ANO6: variants seen among roughly 807,000 people sequenced by gnomAD.
ANO6 encodes anoctamin-6.
In ANO6, 106 loss-of-function variants were observed where a neutral mutation model predicts 117.5. That is an observed-to-expected ratio of 0.90 (90% CI 0.77 to 1.06). The LOEUF is 1.06. ANO6 is among the 50% of genes least tolerant of loss of function. The pLI is 0.00. For synonymous variants in ANO6, 367 were observed against 385.1 expected (o/e 0.95, Z 0.55); for missense variants, 955 against 1,121.1 (o/e 0.85, Z 2.12).
chr12:45,377,216 T>A (rs531700663), intron 9 of ANO6, among the ~76,000 whole-genome samples: 3 of 152,028 alleles, frequency 2.0e-5, no homozygotes. Context: ...AAAGTAGATA[T>A]AATATGCTTG....
At chr12:45,321,142 T>C (rs184194526) in intron 2 of ANO6, among the ~76,000 whole-genome samples, 4 of 152,218 alleles carry the variant, frequency 2.6e-5, no homozygotes, top group East Asian at 3.9e-4. Context: ...AATATATTGT[T>C]TTGGTTGAAG....
At chr12:45,384,299 G>A (rs1000644008) in intron 10 of ANO6, among the ~76,000 whole-genome samples, 7 of 152,122 alleles carry the variant, frequency 4.6e-5, no homozygotes, top group African/African-American at 9.7e-5. Flanking sequence ...AACTTTCTCC[G>A]TATCAGCAAT....
chr12:45,360,662 A>G (rs996750547), intron 8 of ANO6, among the ~76,000 whole-genome samples: 13 of 152,270 alleles, frequency 8.5e-5, no homozygotes, highest in South Asian at 4.1e-4. Context: ...TTTTGGTGTC[A>G]TGTCTTAGAA....
intron 1 of ANO6, among the ~76,000 whole-genome samples, chr12:45,261,031 G>A (rs1938013920): frequency 6.6e-6 from 1 of 152,014 alleles, no homozygotes; most frequent in South Asian, 2.1e-4. Context: ...TGTTGCCCAG[G>A]CTGGTCTTGA....
At chr12:45,270,799 T>C (rs1938371541) in intron 1 of ANO6, among the ~76,000 whole-genome samples, 1 of 152,154 alleles carries the variant, frequency 6.6e-6, no homozygotes, top group African/African-American at 2.4e-5. Flanking sequence ...TCACCCATGC[T>C]GGAGTGCAGT....
Position 45,272,119 on chromosome 12 carries a change from T to C in ANO6, c.71-29895T>C, listed in dbSNP as rs779782537. On this transcript the variant is annotated intron_variant, in intron 1 of 19. Transcript: ENST00000320560. ...AAAACGTTTTTATATTAAATAACTTTTATTGTTTAAAGATGCAAATTTTTT... is the reference window on the plus strand; with the variant it reads ...AAAACGTTTTTATATTAAATAACTTCTATTGTTTAAAGATGCAAATTTTTT... 2.6e-4 allele frequency among the ~76,000 whole-genome samples: 40 copies of C among 152,104 alleles called. 1 individual carries two copies. Among genetic ancestry groups the C allele is most frequent in the Non-Finnish European group, 1.6e-4 (11 of 68,008 alleles).
chr12:45,435,636 A>G (rs1360951804), downstream of ANO6, among the ~76,000 whole-genome samples: 1 of 152,170 alleles, frequency 6.6e-6, no homozygotes, highest in Non-Finnish European at 1.5e-5. Context: ...TCTTAAGAAT[A>G]TAGTTGGCAT....
At chr12:45,355,949 T>C (rs1271418470) in intron 7 of ANO6, among the ~76,000 whole-genome samples, 1 of 152,190 alleles carries the variant, frequency 6.6e-6, no homozygotes, top group Non-Finnish European at 1.5e-5. Flanking sequence ...CAGAGTTAAG[T>C]AAATCTCCTT....
intron 2 of ANO6, among the ~76,000 whole-genome samples, chr12:45,312,919 T>C (rs1939893327): frequency 6.6e-6 from 1 of 152,046 alleles, no homozygotes; most frequent in Non-Finnish European, 1.5e-5. Flanking sequence ...TGATTGCAAA[T>C]TTGTGTGTTT....
intron 2 of ANO6, among the ~76,000 whole-genome samples, chr12:45,325,094 T>C (rs1940415398): frequency 6.6e-6 from 1 of 152,192 alleles, no homozygotes; most frequent in Non-Finnish European, 1.5e-5. Flanking sequence ...AGTTACGAAG[T>C]CAAGCTACAT....
chr12:45,434,767 A>G (rs1202118348), downstream of ANO6, among the ~76,000 whole-genome samples: 3 of 152,220 alleles, frequency 2.0e-5, no homozygotes, highest in Non-Finnish European at 4.4e-5. Context: ...TGAAAAGCAA[A>G]CATATGTAAG....
chr12:45,406,662 C>T lies in ANO6; in HGVS notation c.1881-2695C>T, dbSNP rs137994075. Among the ~76,000 whole-genome samples, 10 of 152,198 alleles carry T rather than the reference C, an allele frequency of 6.6e-5. No individual in the cohort carries two copies. The East Asian group carries it at 1.2e-3, about 18-fold the overall frequency. ...GGATAGGATTTGGAGAGAAGATGAG[C>T]TATAGGCAATCAGAGTCCTAAATAT... On this transcript the variant is annotated intron_variant, in intron 15 of 19. Coordinates refer to ENST00000320560, the MANE Select transcript of ANO6 (RefSeq NM_001025356.3).
intron 8 of ANO6, among the ~76,000 whole-genome samples, chr12:45,357,695 C>T (rs181886331): frequency 6.6e-6 from 1 of 152,150 alleles, no homozygotes; most frequent in African/African-American, 2.4e-5. Flanking sequence ...GAAAGGAGGA[C>T]TGGAGGCGGG....
rs569235958 is a variant in ANO6, at chr12:45,432,045, G to C, written c.*2734G>C. On this transcript the variant is annotated 3_prime_UTR_variant, in exon 20 of 20. Transcript: ENST00000320560. Reference sequence around the variant, plus strand: ...CAAAGTCTTCCCTTTTTTATTGCATGTGTGCCTTGAATTTCATAAAACATT... The same window carrying C: ...CAAAGTCTTCCCTTTTTTATTGCATCTGTGCCTTGAATTTCATAAAACATT... 1 of 985,202 alleles carries C rather than the reference G, an allele frequency of 1.0e-6. No homozygotes were observed. The highest frequency in any genetic ancestry group is 1.2e-6 in the Non-Finnish European group (1 of 829,868). 61.0% of individuals were successfully genotyped at this position (985,202 alleles called of 1,614,324 possible). A position where few individuals can be genotyped will look rare whatever the true frequency, so the allele number is the denominator to read the frequency against.
At chr12:45,231,901 A>G (rs1028797816) in intron 1 of ANO6, among the ~76,000 whole-genome samples, 1 of 152,178 alleles carries the variant, frequency 6.6e-6, no homozygotes. Context: ...TACTGTGGCT[A>G]GTGGCCTGTT....
At chr12:45,267,659 C>T (rs967930119) in intron 1 of ANO6, among the ~76,000 whole-genome samples, 1 of 151,972 alleles carries the variant, frequency 6.6e-6, no homozygotes, top group East Asian at 1.9e-4. Context: ...GGCATGGTGG[C>T]GGGCACCTGT....
intron 12 of ANO6, among the ~76,000 whole-genome samples, chr12:45,395,689 A>G (rs1159887203): frequency 6.6e-6 from 1 of 152,202 alleles, no homozygotes; most frequent in Non-Finnish European, 1.5e-5. Context: ...GGTTCAACAT[A>G]TGCAAATCAA....
chr12:45,377,495 G>A (rs1005397272), intron 9 of ANO6, among the ~76,000 whole-genome samples: 3 of 152,150 alleles, frequency 2.0e-5, no homozygotes, highest in South Asian at 2.1e-4. Flanking sequence ...ATCTGTCAGT[G>A]ATGGTAGAAA....
intron 7 of ANO6, among the ~76,000 whole-genome samples, chr12:45,352,744 T>A (rs900988328): frequency 4.6e-4 from 68 of 146,784 alleles, no homozygotes; most frequent in Non-Finnish European, 9.2e-4. Context: ...AAAAAAAAAA[T>A]TATTTAATAT....
Sources: gnomAD v4.1 joint callset for allele counts (sites outside exome capture counted in the v4.1 genomes callset) on GRCh38, gnomAD v4.1.1 for gene constraint, MANE v1.5 for transcripts, NCBI Gene and HGNC (gene_info 2026-07-23, HGNC 2026-07-21) for gene names.